Variants in EFR3A observed in about 807,000 individuals in gnomAD.
The protein encoded by EFR3A is protein EFR3 homolog A.
In EFR3A, 76 loss-of-function variants were observed where a neutral mutation model predicts 104.4. That is an observed-to-expected ratio of 0.73 (90% CI 0.60 to 0.88). The LOEUF (loss-of-function observed/expected upper bound fraction) is 0.88, where lower values mean the gene tolerates loss of function less well. EFR3A is among the 40% of genes least tolerant of loss of function. The pLI is 0.00. For synonymous variants in EFR3A, 330 were observed against 330.0 expected, an observed-to-expected ratio of 1.00 and a Z score of 0.00; for missense variants, 985 against 1,012.5, an observed-to-expected ratio of 0.97 and a Z score of 0.37.
At chr8:131,938,512 G>A (rs73349356) in intron 1 of EFR3A, among the ~76,000 whole-genome samples, 2,226 of 152,020 alleles carry the variant, frequency 0.015, 65 homozygotes, top group African/African-American at 0.049. Flanking sequence ...CTTTATAGTG[G>A]GTAGTTTTTT....
chr8:131,970,556 G>C lies in EFR3A; in HGVS notation c.1072G>C (p.Gly358Arg), dbSNP rs2270877. ...TGAATTCGAAGCAAATGATTTACAG[G>C]GGGGATCTGTAGGCAGTGTCAACTT... ...SVEFEANDLQ[G>R]GSVGSVNLNT... Residue 358 changes from glycine to arginine, a missense_variant, in exon 10 of 23, where the codon GGG becomes CGG. Physicochemically the swap from Gly to Arg is moderately radical, Grantham distance 125 (BLOSUM62 -2). Transcript: ENST00000254624. 3.1e-4 allele frequency: 499 copies of C among 1,613,818 alleles called. 1 individual carries two copies. In the East Asian group the frequency reaches 0.01, roughly 33 times the overall value.
intron 5 of EFR3A, among the ~76,000 whole-genome samples, chr8:131,951,709 A>G (rs925280839): frequency 6.6e-6 from 1 of 152,120 alleles, no homozygotes; most frequent in East Asian, 1.9e-4. Flanking sequence ...CTGTAAACCA[A>G]TGAAAGGACT....
chr8:132,005,171 A>G (rs189941876), intron 22 of EFR3A, among the ~76,000 whole-genome samples: 2 of 152,186 alleles, frequency 1.3e-5, no homozygotes, highest in African/African-American at 4.8e-5. Context: ...GAAGTTAGGT[A>G]ACTTATACAG....
chr8:132,003,177 T>C, intron 21 of EFR3A, 59 bp from the exon 22 acceptor site: 3 of 1,289,502 alleles, frequency 2.3e-6, no homozygotes, highest in Non-Finnish European at 3.3e-6. Context: ...TACATTGATA[T>C]TATTATATAT....
At position 131,944,457 on chromosome 8, in the gene EFR3A, C is replaced by T. The variant is rs138070791; in HGVS notation, c.88-288C>T. Among the ~76,000 whole-genome samples, 10 of 152,146 alleles carry T rather than the reference C, an allele frequency of 6.6e-5. No individual in the cohort carries two copies. The East Asian group carries it at 1.7e-3, about 26-fold the overall frequency. On this transcript the variant is annotated intron_variant, in intron 2 of 22. Transcript: ENST00000254624. ...TTGAAATCTTTTTACATCTATATCCCATTCCCTATATACTACAGATAATTG... is the reference window on the plus strand; with the variant it reads ...TTGAAATCTTTTTACATCTATATCCTATTCCCTATATACTACAGATAATTG...
At chr8:131,930,848 G>T (rs1468615594) in intron 1 of EFR3A, among the ~76,000 whole-genome samples, 1 of 152,052 alleles carries the variant, frequency 6.6e-6, no homozygotes, top group Non-Finnish European at 1.5e-5. Flanking sequence ...GTTCTTTATA[G>T]TGCTATTTAT....
intron 10 of EFR3A, among the ~76,000 whole-genome samples, chr8:131,971,540 T>G (rs1328076905): frequency 6.6e-6 from 1 of 151,842 alleles, no homozygotes; most frequent in Non-Finnish European, 1.5e-5. Context: ...TACAAAAAAT[T>G]AGCCGGGCGA....
At chr8:131,922,462 A>T (rs1817088413) in intron 1 of EFR3A, among the ~76,000 whole-genome samples, 1 of 152,110 alleles carries the variant, frequency 6.6e-6, no homozygotes, top group African/African-American at 2.4e-5. Flanking sequence ...AGTACCCTTA[A>T]ATTAAAAAAA....
At chr8:132,000,621 C>T (rs1258082120) in intron 19 of EFR3A, 1 of 152,164 alleles carries the variant, frequency 6.6e-6, no homozygotes, top group Non-Finnish European at 1.5e-5. Context: ...TTTTCCTCTA[C>T]TGTAGTTGTG....
intron 10 of EFR3A, among the ~76,000 whole-genome samples, chr8:131,971,618 G>A (rs556029659): frequency 2.0e-5 from 3 of 151,818 alleles, no homozygotes; most frequent in Admixed American, 2.0e-4. Flanking sequence ...AACCCGGGAG[G>A]CAGAGCTTGC....
rs375977439 is a variant in EFR3A, at chr8:131,990,252, T to C, written c.2065+2550T>C. Among the ~76,000 whole-genome samples, 26 of 152,298 alleles carry C rather than the reference T, an allele frequency of 1.7e-4. No homozygotes were observed. The East Asian group carries it at 5.0e-3, about 29-fold the overall frequency. ...AAATAAGTTAATTTCATTATATAAT[T>C]TTTCTCTAAGAAGATAAATAACCAG... On this transcript the variant is annotated intron_variant, in intron 18 of 22. Coordinates refer to ENST00000254624, the MANE Select transcript of EFR3A (RefSeq NM_015137.6).
chr8:132,011,109 C>T lies in EFR3A; in HGVS notation c.*214C>T. ...GATAGATTTATGCCATGTTAATTTG[C>T]TTTGAGGTTCCTGTTGCCTTTTTAA... is the stretch of plus-strand genomic sequence containing the variant. On this transcript the variant is annotated 3_prime_UTR_variant, in exon 23 of 23. Coordinates refer to ENST00000254624, the MANE Select transcript of EFR3A (RefSeq NM_015137.6). The T allele has an allele frequency of 4.9e-6, 6 of 1,215,280 alleles. No individual in the cohort carries two copies. The highest frequency in any genetic ancestry group is 6.2e-6 in the Non-Finnish European group (6 of 971,568). 75.3% of individuals were successfully genotyped at this position (1,215,280 alleles called of 1,614,324 possible). A position where few individuals can be genotyped will look rare whatever the true frequency, so the allele number is the denominator to read the frequency against.
At chr8:131,939,674 C>T (rs1425617022) in intron 1 of EFR3A, among the ~76,000 whole-genome samples, 4 of 152,242 alleles carry the variant, frequency 2.6e-5, no homozygotes, top group Non-Finnish European at 5.9e-5. Flanking sequence ...TTAGTGTTCA[C>T]TAAGTACTCA....
At chr8:131,993,084 C>T (rs1238202352) in intron 18 of EFR3A, among the ~76,000 whole-genome samples, 5 of 152,078 alleles carry the variant, frequency 3.3e-5, no homozygotes. Context: ...GCATCTAGTG[C>T]ATAGAAGCTA....
intron 18 of EFR3A, among the ~76,000 whole-genome samples, chr8:131,993,048 C>T (rs1326561524): frequency 1.3e-5 from 2 of 151,980 alleles, no homozygotes; most frequent in Non-Finnish European, 2.9e-5. Flanking sequence ...ACAACTGGGA[C>T]AGAGAGAGAT....
At chr8:131,921,685 T>C (rs1190857379) in intron 1 of EFR3A, among the ~76,000 whole-genome samples, 1 of 152,156 alleles carries the variant, frequency 6.6e-6, no homozygotes, top group African/African-American at 2.4e-5. Context: ...TTGAAAAAGA[T>C]TGGTAAAATT....
At chr8:131,981,120 T>A (rs1414514776) in intron 14 of EFR3A, among the ~76,000 whole-genome samples, 1 of 151,850 alleles carries the variant, frequency 6.6e-6, no homozygotes, top group Non-Finnish European at 1.5e-5. Flanking sequence ...GAATTTTAAA[T>A]CATTACTGAT....
intron 12 of EFR3A, among the ~76,000 whole-genome samples, chr8:131,977,519 A>G (rs958276574): frequency 6.6e-6 from 1 of 152,204 alleles, no homozygotes; most frequent in Non-Finnish European, 1.5e-5. Context: ...ATTAAAATGA[A>G]TATTTGCCAT....
intron 1 of EFR3A, among the ~76,000 whole-genome samples, chr8:131,917,944 C>T (rs1816823411): frequency 6.6e-6 from 1 of 152,088 alleles, no homozygotes; most frequent in Non-Finnish European, 1.5e-5. Context: ...ATATGATTAA[C>T]ATAAAAATAC....
Sources: gnomAD v4.1 joint callset for allele counts (sites outside exome capture counted in the v4.1 genomes callset) on GRCh38, gnomAD v4.1.1 for gene constraint, MANE v1.5 for transcripts, NCBI Gene and HGNC (gene_info 2026-07-23, HGNC 2026-07-21) for gene names.